Variants in ZFHX3 observed in about 807,000 individuals in gnomAD.
The protein encoded by ZFHX3 is zinc finger homeobox protein 3.
Under a neutral mutation model 279.1 loss-of-function variants are expected in ZFHX3, and 42 were observed. That is an observed-to-expected ratio of 0.15 (90% confidence interval 0.12 to 0.19). The LOEUF (loss-of-function observed/expected upper bound fraction) is 0.19, where lower values mean the gene tolerates loss of function less well. Among genes scored for constraint, ZFHX3 ranks in the 10% least tolerant of loss-of-function variants. The pLI is 1.00. For synonymous variants in ZFHX3, 2,293 were observed against 1,957.8 expected (o/e 1.17, Z -4.52); for missense variants, 4,981 against 4,754.0 (o/e 1.05, Z -1.40).
chr16:73,091,705 C>G (rs1966084858), intron 8 of ZFHX3, among the ~76,000 whole-genome samples: 1 of 152,194 alleles, frequency 6.6e-6, no homozygotes, highest in African/African-American at 2.4e-5. Flanking sequence ...GTTTGTCGAG[C>G]TGAGTCTTCA....
rs376748530 is a variant in ZFHX3 at position 73,033,693 on chromosome 16, A to G, written c.-50+14059T>C. Among the ~76,000 whole-genome samples the G allele has an allele frequency of 9.3e-4, 142 of 152,188 alleles. 5 individuals carry two copies. The South Asian group carries it at 0.029, about 31-fold the overall frequency. On this transcript the variant is annotated intron_variant, in intron 1 of 9. Coordinates refer to ENST00000268489, the MANE Select transcript of ZFHX3 (RefSeq NM_006885.4). ...TGCCTGCCAGGAGGCCAGCCTGTTA[A>G]AGGAATTCGATACCTCCCTCCCTCC...
rs192669795 is a variant in ZFHX3 at position 73,747,041 on chromosome 16, T to C, written c.-1607-66801A>G. Among the ~76,000 whole-genome samples the C allele has an allele frequency of 1.4e-3, 211 of 152,330 alleles. 1 individual carries two copies. Among genetic ancestry groups the C allele is most frequent in the African/African-American group, 4.5e-3 (188 of 41,578 alleles). On this transcript the variant is annotated intron_variant, in intron 1 of 17. Coordinates refer to the ZFHX3 transcript ENST00000641206. ...AGCACCTTTGTTTCACAAATGAGTT[T>C]GTCCAAGTAGATCTGCTCTGCTACT...
In ZFHX3 at chr16:73,032,569, T is replaced by C. The variant is rs560191222; in HGVS notation, c.-50+15183A>G. Among the ~76,000 whole-genome samples the C allele has an allele frequency of 2.2e-3, 335 of 152,000 alleles. 1 individual carries two copies. Among genetic ancestry groups the C allele is most frequent in the African/African-American group, 7.9e-3 (326 of 41,448 alleles). ...CTTCGTCCCCAAAAAGAGACCAAAA[T>C]AACTAGCCTTCCCCAGAGCGGGCAG... On this transcript the variant is annotated intron_variant, in intron 1 of 9. Transcript: ENST00000268489.
Position 72,950,928 on chromosome 16 carries a change from G to A in ZFHX3, c.2757C>T (p.Gly919=), listed in dbSNP as rs141768802. Residue 919 remains glycine (G), a synonymous_variant, in exon 3 of 10, where the codon GGC becomes GGT. Transcript: ENST00000268489. Reference sequence around the variant, plus strand: ...TCAGCTCCTCTGACACCAGCTGCCCGCCCCCGAGCCGCATGTCTAGGGGGA... The same window carrying A: ...TCAGCTCCTCTGACACCAGCTGCCCACCCCCGAGCCGCATGTCTAGGGGGA... ...GEIPLDMRLG[G]GQLVSEELMN... 2.1e-5 allele frequency: 34 copies of A among 1,613,730 alleles called. 1 individual carries two copies. The Middle Eastern group carries it at 4.9e-4, about 23-fold the overall frequency.
At chr16:73,430,858 A>C (rs2017897512) in intron 3 of ZFHX3, among the ~76,000 whole-genome samples, 1 of 152,160 alleles carries the variant, frequency 6.6e-6, no homozygotes, top group South Asian at 2.1e-4. Flanking sequence ...AAAGTCCCTC[A>C]AAGGAAGGGA....
chr16:73,001,653 A>AT (rs974361262), intron 1 of ZFHX3, among the ~76,000 whole-genome samples: 6 of 151,478 alleles, frequency 4.0e-5, no homozygotes, highest in Non-Finnish European at 7.4e-5. Context: ...TCTCTACAAA[A>AT]TTTTTTTTAA....
intron 1 of ZFHX3, among the ~76,000 whole-genome samples, chr16:72,992,447 T>C (rs960351501): frequency 1.3e-5 from 2 of 152,146 alleles, no homozygotes; most frequent in South Asian, 2.1e-4. Flanking sequence ...GCTCTCCCTG[T>C]AAACGGATCT....
chr16:73,024,221 G>A (rs1204342326), intron 1 of ZFHX3, among the ~76,000 whole-genome samples: 2 of 152,146 alleles, frequency 1.3e-5, no homozygotes, highest in African/African-American at 4.8e-5. Context: ...GCAAAGAAAC[G>A]AAGAGGCAGG....
At chr16:73,865,289 A>T (rs1034827465) in intron 1 of ZFHX3, among the ~76,000 whole-genome samples, 1 of 152,166 alleles carries the variant, frequency 6.6e-6, no homozygotes, top group African/African-American at 2.4e-5. Flanking sequence ...AAAATAAGTT[A>T]AAAAAATGAA....
At chr16:73,149,020 T>A (rs372658629) in intron 5 of ZFHX3, among the ~76,000 whole-genome samples, 1 of 147,994 alleles carries the variant, frequency 6.8e-6, no homozygotes, top group African/African-American at 2.5e-5. Context: ...TATATATATT[T>A]TATATATATA....
intron 2 of ZFHX3, among the ~76,000 whole-genome samples, chr16:73,507,923 T>A (rs552514244): frequency 6.6e-6 from 1 of 152,306 alleles, no homozygotes; most frequent in Non-Finnish European, 1.5e-5. Flanking sequence ...TTAGAATCGA[T>A]TAGTACCTAG....
intron 4 of ZFHX3, among the ~76,000 whole-genome samples, chr16:73,301,758 C>CTTTTTT (rs559715399): frequency 0.025 from 3,451 of 139,954 alleles, 165 homozygotes; most frequent in African/African-American, 0.087. Flanking sequence ...TTGATTCCAG[C>CTTTTTT]TTTTTTTTTT....
intron 5 of ZFHX3, among the ~76,000 whole-genome samples, chr16:73,202,778 C>A (rs867828057): frequency 6.6e-6 from 1 of 152,138 alleles, no homozygotes; most frequent in Non-Finnish European, 1.5e-5. Flanking sequence ...GGAACGACCA[C>A]CTCCTTTGCT....
Position 73,415,069 on chromosome 16 carries a change from C to G in ZFHX3, c.-1291+40934G>C, listed in dbSNP as rs139360299. ...CTAGCCCAATCCAGCATTCACAGTT[C>G]ATTCCTGGGAGCCAAAGTTCCCTTT... is the stretch of plus-strand genomic sequence containing the variant. On this transcript the variant is annotated intron_variant, in intron 3 of 17. Coordinates refer to the ZFHX3 transcript ENST00000641206. Among the ~76,000 whole-genome samples the G allele has an allele frequency of 1.1e-4, 17 of 152,250 alleles. No homozygotes were observed. The East Asian group carries it at 3.3e-3, about 29-fold the overall frequency.
Position 73,085,322 on chromosome 16 carries a change from C to T in ZFHX3, c.-533+7913G>A, listed in dbSNP as rs1268783436. 5.3e-5 allele frequency among the ~76,000 whole-genome samples: 8 copies of T among 152,254 alleles called. No individual in the cohort carries two copies. In the South Asian group the frequency reaches 1.4e-3, roughly 28 times the overall value. ...TGTTGCCCGGGCTGGAGTGTAATGG[C>T]ACAATCTTGGCTCACTGCAACCTCT... On this transcript the variant is annotated intron_variant, in intron 8 of 17. Transcript: ENST00000641206.
intron 1 of ZFHX3, among the ~76,000 whole-genome samples, chr16:73,689,969 G>T (rs2053132525): frequency 6.6e-6 from 1 of 152,010 alleles, no homozygotes; most frequent in African/African-American, 2.4e-5. Context: ...AGGCTGGAGT[G>T]CAGTGGCGCG....
intron 6 of ZFHX3, among the ~76,000 whole-genome samples, chr16:73,141,122 A>G (rs1042652654): frequency 2.0e-5 from 3 of 152,194 alleles, no homozygotes; most frequent in African/African-American, 7.2e-5. Context: ...GATTCAATAT[A>G]ATACCACGCC....
intron 5 of ZFHX3, among the ~76,000 whole-genome samples, chr16:73,246,490 C>T (rs78446040): frequency 0.011 from 1,602 of 152,310 alleles, 42 homozygotes; most frequent in African/African-American, 0.035. Context: ...CGCCAGCCAT[C>T]GAACCCCGAG....
intron 2 of ZFHX3, among the ~76,000 whole-genome samples, chr16:73,521,638 G>A (rs2019610332): frequency 6.6e-6 from 1 of 151,392 alleles, no homozygotes; most frequent in Non-Finnish European, 1.5e-5. Flanking sequence ...CGTAGAAAGG[G>A]GTGGAAATCT....
Sources: gnomAD v4.1 joint callset for allele counts (sites outside exome capture counted in the v4.1 genomes callset) on GRCh38, gnomAD v4.1.1 for gene constraint, MANE v1.5 for transcripts, NCBI Gene and HGNC (gene_info 2026-07-23, HGNC 2026-07-21) for gene names.